The following ARHGEF10L variants were observed in gnomAD, a reference collection of about 807,000 sequenced individuals.
The protein encoded by ARHGEF10L is rho guanine nucleotide exchange factor 10-like protein.
In ARHGEF10L, 69 loss-of-function variants were observed where a neutral mutation model predicts 141.2. That is an observed-to-expected ratio of 0.49 (90% CI 0.40 to 0.60). ARHGEF10L has a LOEUF of 0.60. ARHGEF10L is among the 20% of genes least tolerant of loss of function. The pLI, the probability that ARHGEF10L is intolerant of heterozygous loss-of-function variation, is 0.00. For synonymous variants in ARHGEF10L, 711 were observed against 718.5 expected (o/e 0.99, Z 0.17); for missense variants, 1,482 against 1,734.3 (o/e 0.85, Z 2.58).
the ARHGEF10L span, among the ~76,000 whole-genome samples, chr1:17,521,976 C>T: frequency 6.6e-6 from 1 of 152,210 alleles, no homozygotes; most frequent in Non-Finnish European, 1.5e-5. Context: ...CCTTACGTAG[C>T]CCCCAGCTAC....
chr1:17,663,566 A>C (rs1022906815), intron 25 of ARHGEF10L, among the ~76,000 whole-genome samples: 5 of 151,694 alleles, frequency 3.3e-5, no homozygotes, highest in Admixed American at 6.6e-5. Flanking sequence ...AGAAAAAAAA[A>C]AAAACAAAAA....
intron 26 of ARHGEF10L, among the ~76,000 whole-genome samples, chr1:17,676,143 T>TG: frequency 6.8e-6 from 1 of 146,506 alleles, no homozygotes; most frequent in East Asian, 2.1e-4. Context: ...GGTGCAGGTG[T>TG]AGGTGCAGGT....
rs1030692001 is a variant in ARHGEF10L at position 17,608,495 on chromosome 1, C to T, written c.609+518C>T. 2.6e-5 allele frequency among the ~76,000 whole-genome samples: 4 copies of T among 152,338 alleles called. No individual in the cohort carries two copies. In the South Asian group the frequency reaches 8.3e-4, roughly 32 times the overall value. ...CAGAGCGGCCTGGAAGCCTTCTCTC[C>T]AGGGCCTCACACGGTGCCATCCATG... On this transcript the variant is annotated intron_variant, in intron 7 of 28. Transcript: ENST00000361221.
the ARHGEF10L span, among the ~76,000 whole-genome samples, chr1:17,520,163 T>A: frequency 6.6e-6 from 1 of 152,182 alleles, no homozygotes; most frequent in African/African-American, 2.4e-5. Flanking sequence ...CCCAGGCTGG[T>A]TGATGGATGG....
rs1419983137 is a variant in ARHGEF10L, at chr1:17,634,836, G to C, written c.1747G>C (p.Gly583Arg). Residue 583 changes from glycine to arginine, a missense_variant and splice_region_variant, in exon 18 of 29, where the codon GGC (glycine) becomes CGC (arginine). Around this residue, in one of 3 missense-constraint regions of ARHGEF10L, gnomAD observed 858 missense variants for 966.3 expected, o/e 0.89. Transcript: ENST00000361221. ...GCCTTGTCCTCTCTGTTCCAACAGG[G>C]GCCAGCTGGAGATCAGCAGCCTGGT... ...NINFKPANHR[G>R]QLEISSLVPL... 6.2e-7 allele frequency: 1 copy of C among 1,612,292 alleles called. No individual in the cohort carries two copies. Among genetic ancestry groups the C allele is most frequent in the East Asian group, 2.2e-5 (1 of 44,812 alleles).
At chr1:17,631,282 C>T (rs1056677076) in intron 15 of ARHGEF10L, among the ~76,000 whole-genome samples, 7 of 152,090 alleles carry the variant, frequency 4.6e-5, no homozygotes, top group Non-Finnish European at 1.0e-4. Flanking sequence ...GAAAAAAATC[C>T]CCTTTAGAAA....
chr1:17,562,724 G>T (rs2100847285), intron 1 of ARHGEF10L, among the ~76,000 whole-genome samples: 1 of 152,350 alleles, frequency 6.6e-6, no homozygotes, highest in Non-Finnish European at 1.5e-5. Context: ...TGTGAGCTGA[G>T]GCTGCCATGT....
Position 17,654,123 on chromosome 1 carries a change from G to A in ARHGEF10L, c.2395-513G>A, listed in dbSNP as rs2062090909. On this transcript the variant is annotated intron_variant, in intron 22 of 28. Coordinates refer to ENST00000361221, the MANE Select transcript of ARHGEF10L (RefSeq NM_018125.4). This position sits in a 1 kb window ranked among gnomAD's most constrained non-coding sequence, Gnocchi z 4.3. ...CTGACCAGGTCTAGCTCAGGAGACA[G>A]GCCTCAGAGAGAGGCCACCCAACAT... Among the ~76,000 whole-genome samples the A allele has an allele frequency of 6.6e-6, 1 of 152,244 alleles. No individual in the cohort carries two copies. The highest frequency in any genetic ancestry group is 2.4e-5 in the African/African-American group (1 of 41,464).
chr1:17,628,024 A>C (rs1244154971), intron 15 of ARHGEF10L, among the ~76,000 whole-genome samples: 3 of 151,640 alleles, frequency 2.0e-5, no homozygotes, highest in African/African-American at 7.3e-5. Flanking sequence ...GCCGCTTAGG[A>C]ACATGCTATT....
chr1:17,631,790 G>A (rs1475867385), intron 15 of ARHGEF10L, among the ~76,000 whole-genome samples: 1 of 152,228 alleles, frequency 6.6e-6, no homozygotes, highest in Non-Finnish European at 1.5e-5. Context: ...CTGTGTTTTC[G>A]TTTTGCACTG....
chr1:17,545,417 T>C (rs1201322815), intron 1 of ARHGEF10L, among the ~76,000 whole-genome samples: 1 of 152,150 alleles, frequency 6.6e-6, no homozygotes, highest in African/African-American at 2.4e-5. Context: ...TGATAGAGGT[T>C]GTAAATTGCC....
chr1:17,557,296 T>C (rs1183066337), intron 1 of ARHGEF10L, among the ~76,000 whole-genome samples: 2 of 151,646 alleles, frequency 1.3e-5, no homozygotes, highest in African/African-American at 4.8e-5. Flanking sequence ...TGAGGCAAGA[T>C]TGTGCCATTG....
At chr1:17,680,063 C>T (rs561659623) in intron 26 of ARHGEF10L, among the ~76,000 whole-genome samples, 19 of 152,292 alleles carry the variant, frequency 1.2e-4, no homozygotes, top group South Asian at 4.1e-4. Context: ...GCTTCTGCCC[C>T]GCCTTGCCCC....
intron 4 of ARHGEF10L, 29 bp downstream of exon 4, chr1:17,588,508 C>A (rs186542657): frequency 6.2e-7 from 1 of 1,613,284 alleles, no homozygotes; most frequent in Non-Finnish European, 8.5e-7. Context: ...TTTGCTTTGG[C>A]GGTTGGAAAC....
the ARHGEF10L span, among the ~76,000 whole-genome samples, chr1:17,527,208 G>T: frequency 3.9e-5 from 6 of 152,192 alleles, no homozygotes; most frequent in East Asian, 1.9e-4. Flanking sequence ...ATGCAGGGGT[G>T]GGGGAAGGGG....
chr1:17,652,001 A>G (rs560993137), intron 22 of ARHGEF10L, among the ~76,000 whole-genome samples: 1 of 152,278 alleles, frequency 6.6e-6, no homozygotes, highest in Admixed American at 6.5e-5. Flanking sequence ...AGCAGATGTG[A>G]CTGTGTGAAC....
rs564986946 is a variant in ARHGEF10L, at chr1:17,657,612, A to T, written c.2860+904A>T. Among the ~76,000 whole-genome samples the T allele has an allele frequency of 2.6e-3, 380 of 146,696 alleles. 2 individuals are homozygous for T. The highest frequency in any genetic ancestry group is 9.1e-3 in the African/African-American group (366 of 40,150). On this transcript the variant is annotated intron_variant, in intron 25 of 28. Coordinates refer to ENST00000361221, the MANE Select transcript of ARHGEF10L (RefSeq NM_018125.4). ...ATAAACGGATATTTGTACTGAGCTA[A>T]TTTTTTTTTTTTTGCCACTTGGCAC...
intron 1 of ARHGEF10L, among the ~76,000 whole-genome samples, chr1:17,543,355 G>A (rs1557686097): frequency 6.6e-6 from 1 of 152,148 alleles, no homozygotes; most frequent in Non-Finnish European, 1.5e-5. Flanking sequence ...GGCCAAGGCA[G>A]GCAGATCCCC....
intron 3 of ARHGEF10L, 71 bp downstream of exon 3, chr1:17,587,716 C>T (rs977184367): frequency 6.7e-7 from 1 of 1,487,608 alleles, no homozygotes; most frequent in Non-Finnish European, 9.0e-7. Flanking sequence ...AAGCTCCAGG[C>T]TCTCAGGGAT....
Sources: allele counts gnomAD v4.1 joint callset (sites outside exome capture counted in the v4.1 genomes callset), GRCh38; gene constraint gnomAD v4.1.1; regional missense constraint gnomAD v4.1.1; non-coding constraint Gnocchi (gnomAD v3.1); transcripts MANE v1.5; gene names NCBI Gene and HGNC (gene_info 2026-07-23, HGNC 2026-07-21).